GSE1: variants seen among roughly 807,000 people sequenced by gnomAD.
GSE1 encodes genetic suppressor element 1.
Under a neutral mutation model 112.6 loss-of-function variants are expected in GSE1, and 32 were observed. That is an observed-to-expected ratio of 0.28 (90% CI 0.21 to 0.38). The LOEUF is 0.38. Among genes scored for constraint, GSE1 ranks in the 10% least tolerant of loss-of-function variants. The pLI is 1.00. For synonymous variants in GSE1, 1,115 were observed against 735.6 expected (o/e 1.52, Z -8.35); for missense variants, 2,348 against 1,699.2 (o/e 1.38, Z -6.71).
chr16:85,271,152 A>T (rs1376522761), intron 1 of GSE1, among the ~76,000 whole-genome samples: 1 of 151,798 alleles, frequency 6.6e-6, no homozygotes, highest in Admixed American at 6.6e-5. Context: ...TGTCTGTGGG[A>T]ATTGGTGTAT....
intron 2 of GSE1, among the ~76,000 whole-genome samples, chr16:85,446,254 T>C (rs2049508851): frequency 6.6e-6 from 1 of 152,210 alleles, no homozygotes; most frequent in Admixed American, 6.5e-5. Flanking sequence ...CACTCATCAG[T>C]TGAACGTGGG....
At chr16:85,514,619 C>T (rs904353779) in intron 2 of GSE1, among the ~76,000 whole-genome samples, 3 of 152,232 alleles carry the variant, frequency 2.0e-5, no homozygotes, top group African/African-American at 4.8e-5. Flanking sequence ...GTCACACAGG[C>T]GGCTGAGCTC....
intron 1 of GSE1, among the ~76,000 whole-genome samples, chr16:85,579,091 A>G (rs2046346342): frequency 6.6e-6 from 1 of 152,104 alleles, no homozygotes; most frequent in Non-Finnish European, 1.5e-5. Context: ...CTTAGGCCTA[A>G]ATAGTCTAAA....
In GSE1 at chr16:85,665,961, C is replaced by T. The variant is rs780575489; in HGVS notation, c.2759-15C>T. The T allele has an allele frequency of 3.7e-6, 6 of 1,612,130 alleles. No individual in the cohort carries two copies. The African/African-American group carries it at 5.3e-5, about 14-fold the overall frequency. On this transcript the variant is annotated splice_polypyrimidine_tract_variant and intron_variant, in intron 12 of 15. Transcript: ENST00000253458. Reference sequence around the variant, plus strand: ...TTGCATTTCTTAATATTTTCCTTCACTTTGTCTCTAAAAGAACCAGCCACG... The same window carrying T: ...TTGCATTTCTTAATATTTTCCTTCATTTTGTCTCTAAAAGAACCAGCCACG...
At chr16:85,612,266 T>C (rs1022311189), upstream of GSE1, among the ~76,000 whole-genome samples, 3 of 119,208 alleles carry the variant, frequency 2.5e-5, no homozygotes, top group African/African-American at 6.2e-5. Flanking sequence ...CGGGGCGGGG[T>C]GGGCGGAGCC....
intron 1 of GSE1, among the ~76,000 whole-genome samples, chr16:85,628,034 G>A (rs2049226461): frequency 1.3e-5 from 2 of 152,172 alleles, no homozygotes; most frequent in African/African-American, 4.8e-5. Context: ...GGCCTGGAGG[G>A]GCAGGAGGCA....
At chr16:85,264,837 G>A (rs1000120501) in intron 1 of GSE1, among the ~76,000 whole-genome samples, 6 of 152,198 alleles carry the variant, frequency 3.9e-5, no homozygotes, top group Non-Finnish European at 7.3e-5. Context: ...GGGTGAGGGG[G>A]TTGGGCTGAG....
chr16:85,229,229 G>A (rs1446711962), intron 1 of GSE1, among the ~76,000 whole-genome samples: 1 of 152,240 alleles, frequency 6.6e-6, no homozygotes, highest in Non-Finnish European at 1.5e-5. Flanking sequence ...GGGTAGGGGG[G>A]TGGCAGCCAT....
At chr16:85,321,510 T>C (rs1407926919) in intron 1 of GSE1, among the ~76,000 whole-genome samples, 2 of 152,174 alleles carry the variant, frequency 1.3e-5, no homozygotes, top group African/African-American at 2.4e-5. Flanking sequence ...GACTCACAAC[T>C]GTAACCCCAA....
Position 85,613,418 on chromosome 16 carries a change from CCGGGGA to C in GSE1, c.7+26_7+31del. The C allele has an allele frequency of 1.3e-6, 2 of 1,549,504 alleles. No homozygotes were observed. Among genetic ancestry groups the C allele is most frequent in the East Asian group, 4.9e-5 (2 of 40,468 alleles). On this transcript the variant is annotated intron_variant, in intron 1 of 15. Coordinates refer to ENST00000253458, the MANE Select transcript of GSE1 (RefSeq NM_014615.5). Reference sequence around the variant, plus strand: ...TGAAAGGTGAGCGCGCCGCACCCGGCCGGGGACGGGGTCCTCCCCCCTCCCCCCACC... The same window carrying C: ...TGAAAGGTGAGCGCGCCGCACCCGGCCGGGGTCCTCCCCCCTCCCCCCACC...
chr16:85,445,163 CG>C (rs949978407), intron 2 of GSE1, among the ~76,000 whole-genome samples: 2 of 152,236 alleles, frequency 1.3e-5, no homozygotes, highest in Non-Finnish European at 2.9e-5. Flanking sequence ...GACTGGGCAT[CG>C]GGGTGCCACA....
chr16:85,573,199 A>G (rs993274482), intron 1 of GSE1, among the ~76,000 whole-genome samples: 4 of 152,108 alleles, frequency 2.6e-5, no homozygotes, highest in Middle Eastern at 3.4e-3. Flanking sequence ...AAGTCTTGCT[A>G]TGTTGTCCAG....
At chr16:85,244,333 A>C (rs1905412842) in intron 1 of GSE1, among the ~76,000 whole-genome samples, 1 of 152,172 alleles carries the variant, frequency 6.6e-6, no homozygotes, top group Non-Finnish European at 1.5e-5. Flanking sequence ...CAAGGGATGT[A>C]GGTGGCTTCT....
chr16:85,358,470 C>A (rs1268122750), intron 2 of GSE1, among the ~76,000 whole-genome samples: 1 of 152,184 alleles, frequency 6.6e-6, no homozygotes, highest in East Asian at 1.9e-4. Context: ...ACTTGAGACC[C>A]CCAGCCCAGC....
chr16:85,620,454 C>T (rs1475093828), intron 1 of GSE1, among the ~76,000 whole-genome samples: 1 of 152,328 alleles, frequency 6.6e-6, no homozygotes, highest in East Asian at 1.9e-4. Flanking sequence ...TACGAGGATC[C>T]ACTAGACAGC....
chr16:85,617,067 G>C (rs947193193), intron 1 of GSE1, among the ~76,000 whole-genome samples: 1 of 152,158 alleles, frequency 6.6e-6, no homozygotes, highest in Non-Finnish European at 1.5e-5. Context: ...CCACTCCTGC[G>C]TTTGGCCACG....
chr16:85,644,067 C>G (rs1156981239), intron 2 of GSE1, among the ~76,000 whole-genome samples: 1 of 152,174 alleles, frequency 6.6e-6, no homozygotes, highest in East Asian at 1.9e-4. Context: ...GTTACTCATG[C>G]CTGTAATCCC....
intron 2 of GSE1, among the ~76,000 whole-genome samples, chr16:85,484,493 G>A (rs1027872804): frequency 2.6e-5 from 4 of 152,248 alleles, no homozygotes; most frequent in East Asian, 1.9e-4. Context: ...CAGCCGTGGC[G>A]GAAACCACAG....
intron 2 of GSE1, among the ~76,000 whole-genome samples, chr16:85,486,506 G>A (rs553597804): frequency 2.6e-5 from 4 of 152,344 alleles, no homozygotes; most frequent in African/African-American, 9.6e-5. Flanking sequence ...GGCTCCGTTC[G>A]GGGGTGGCAT....
Sources: allele counts gnomAD v4.1 joint callset (sites outside exome capture counted in the v4.1 genomes callset), GRCh38; gene constraint gnomAD v4.1.1; transcripts MANE v1.5; gene names NCBI Gene and HGNC (gene_info 2026-07-23, HGNC 2026-07-21).